The following NPFFR1 variants were observed in gnomAD, a reference collection of about 807,000 sequenced individuals.
NPFFR1 encodes G-protein coupled receptor 147.
NPFFR1 carries 17 observed loss-of-function variants against 12.7 expected under a neutral mutation model. The ratio of observed to expected loss-of-function variants is 1.34; its 90% CI spans 0.92 to 2.01. NPFFR1 has a LOEUF of 2.01. Among genes scored for constraint, NPFFR1 ranks in the 30% most tolerant of loss-of-function variants. The probability of loss-of-function intolerance (pLI) is 0.00; values close to 1 mark genes in which losing one functional copy is unlikely to be tolerated. For missense variants in NPFFR1, 604 were observed against 606.5 expected (o/e 1.00, Z 0.04); for synonymous variants, 296 against 264.5 (o/e 1.12, Z -1.16).
intron 1 of NPFFR1, among the ~76,000 whole-genome samples, chr10:70,279,871 A>G (rs1428506848): frequency 1.3e-5 from 2 of 151,736 alleles, no homozygotes; most frequent in Admixed American, 6.6e-5. Context: ...GAAATTTTGT[A>G]CTCTTTGACC....
intron 2 of NPFFR1, among the ~76,000 whole-genome samples, chr10:70,262,023 T>C (rs1840640560): frequency 6.6e-6 from 1 of 152,216 alleles, no homozygotes; most frequent in Non-Finnish European, 1.5e-5. Flanking sequence ...TATTTTCTCA[T>C]TGTACCAAAG....
chr10:70,266,233 G>A lies in NPFFR1; in HGVS notation c.166C>T (p.Leu56Phe). ...ACCAGGGTGTTGCCCACCATGCAGA[G>A]CAGGAAGATGAGCGCATAGGCCACA... The part of the protein sequence containing the change: ...FIVAYALIFL[L>F]CMVGNTLVCF... Residue 56 changes from leucine (L) to phenylalanine (F), a missense_variant, in exon 2 of 4, where the codon CTC becomes TTC. Leu to Phe is a conservative substitution (Grantham distance 22). Transcript: ENST00000277942. 1 of 1,614,042 alleles carries A rather than the reference G, an allele frequency of 6.2e-7. No homozygotes were observed. Among genetic ancestry groups the A allele is most frequent in the South Asian group, 1.1e-5 (1 of 91,086 alleles).
At chr10:70,272,009 C>A (rs1456149976) in intron 1 of NPFFR1, among the ~76,000 whole-genome samples, 2 of 151,536 alleles carry the variant, frequency 1.3e-5, no homozygotes, top group Non-Finnish European at 2.9e-5. Flanking sequence ...CCCAACTACT[C>A]AGGAGGCTGA....
chr10:70,268,781 C>A (rs1412831089), intron 1 of NPFFR1, among the ~76,000 whole-genome samples: 1 of 152,222 alleles, frequency 6.6e-6, no homozygotes, highest in African/African-American at 2.4e-5. Flanking sequence ...TCACGTCTGT[C>A]ACATTTTATT....
intron 1 of NPFFR1, among the ~76,000 whole-genome samples, chr10:70,274,632 A>G (rs1397167499): frequency 1.3e-5 from 2 of 152,168 alleles, no homozygotes; most frequent in Non-Finnish European, 2.9e-5. Context: ...TGGTATTCCA[A>G]AGAGAACTGG....
intron 3 of NPFFR1, among the ~76,000 whole-genome samples, chr10:70,256,886 C>T (rs551223060): frequency 6.6e-6 from 1 of 152,174 alleles, no homozygotes; most frequent in African/African-American, 2.4e-5. Context: ...AGACAAAACC[C>T]GTGCCTATTT....
Position 70,276,624 on chromosome 10 carries a change from G to C in NPFFR1, c.7+7046C>G, listed in dbSNP as rs888050865. Among the ~76,000 whole-genome samples the C allele has an allele frequency of 2.5e-5, 3 of 120,558 alleles. No homozygotes were observed. In the Admixed American group the frequency reaches 3.4e-4, roughly 14 times the overall value. 79.1% of individuals were successfully genotyped at this position (120,558 alleles called of 152,430 possible). ...TTTTTTGGAGATGAAGTCTCACTCT[G>C]TCACCCAAGCTGGAGTGCAGTGGCG... On this transcript the variant is annotated intron_variant, in intron 1 of 3. Coordinates refer to ENST00000277942, the MANE Select transcript of NPFFR1 (RefSeq NM_022146.5).
rs917092898 is a variant in NPFFR1 at position 70,254,917 on chromosome 10, T to G, written c.*40A>C. 7.2e-7 allele frequency: 1 copy of G among 1,388,562 alleles called. No individual in the cohort carries two copies. The highest frequency in any genetic ancestry group is 9.3e-7 in the Non-Finnish European group (1 of 1,077,410). The allele number at this position is 1,388,562 out of a possible 1,614,324, so 86.0% of individuals were successfully genotyped here. A position where few individuals can be genotyped will look rare whatever the true frequency, so the allele number is the denominator to read the frequency against. ...TCGCCTGCATGTATCTCGTGTCCAA[T>G]CGGGGCCCTGAGGCAGCGTCCCGCC... On this transcript the variant is annotated 3_prime_UTR_variant, in exon 4 of 4. Transcript: ENST00000277942.
rs768995577 is a variant in NPFFR1 at position 70,255,784 on chromosome 10, G to T, written c.466C>A (p.Arg156=). ...VHPFREKLTL[R]KALVTIAVIW... is the part of the protein sequence containing the mutation. The stretch of plus-strand genomic sequence containing the variant: ...ACGGCGATGGTGACGAGCGCCTTCC[G>T]CAGGGTCAGCTTCTCGCGGAAAGGG... The change falls in exon 4 of 4, where the codon CGG becomes AGG. Residue 156 remains arginine, a synonymous_variant. Coordinates refer to ENST00000277942, the MANE Select transcript of NPFFR1 (RefSeq NM_022146.5). The surrounding 1 kb of genome is among the most constrained non-coding windows in gnomAD (Gnocchi z 4.2). 3.1e-6 allele frequency: 5 copies of T among 1,611,106 alleles called. No homozygotes were observed. Among genetic ancestry groups the T allele is most frequent in the Admixed American group, 3.4e-5 (2 of 59,682 alleles).
At chr10:70,265,839 A>G (rs552426533) in intron 2 of NPFFR1, among the ~76,000 whole-genome samples, 1 of 152,368 alleles carries the variant, frequency 6.6e-6, no homozygotes, top group South Asian at 2.1e-4. Context: ...GGATGAATTA[A>G]GATAATGCAT....
At position 70,263,025 on chromosome 10, in the gene NPFFR1, T is replaced by C. The variant is rs970390813; in HGVS notation, c.323-2286A>G. Among the ~76,000 whole-genome samples, 7 of 152,166 alleles carry C rather than the reference T, an allele frequency of 4.6e-5. No individual in the cohort carries two copies. In the East Asian group the frequency reaches 1.4e-3, roughly 29 times the overall value. ...CAAAAATTAAAAATAAAATTAGCCA[T>C]ACATGGTGGCGCATTTCTGTAGTCC... On this transcript the variant is annotated intron_variant, in intron 2 of 3. Transcript: ENST00000277942.
At chr10:70,260,242 G>T (rs1840618122) in intron 3 of NPFFR1, among the ~76,000 whole-genome samples, 1 of 152,112 alleles carries the variant, frequency 6.6e-6, no homozygotes, top group Admixed American at 6.5e-5. Context: ...ATAAGGAGCA[G>T]GGAGAAACCC....
intron 1 of NPFFR1, among the ~76,000 whole-genome samples, chr10:70,279,812 T>C (rs964620136): frequency 5.3e-5 from 8 of 152,226 alleles, no homozygotes; most frequent in African/African-American, 1.9e-4. Flanking sequence ...CTATGCACCA[T>C]GCTGTGCAAT....
chr10:70,277,934 G>A (rs1840821782), intron 1 of NPFFR1: 1 of 519,286 alleles, frequency 1.9e-6, no homozygotes. Context: ...TAGATGTTGG[G>A]GAAGACTTCT....
rs1004080596 is a variant in NPFFR1, at chr10:70,255,371, G to T, written c.879C>A (p.Ile293=). The T allele has an allele frequency of 3.9e-6, 6 of 1,554,304 alleles. No homozygotes were observed. The East Asian group carries it at 1.4e-4, about 37-fold the overall frequency. Residue 293 remains isoleucine (I), a synonymous_variant, in exon 4 of 4, where the codon ATC becomes ATA. Transcript: ENST00000277942. This position sits in a 1 kb window ranked among gnomAD's most constrained non-coding sequence, Gnocchi z 4.2. ...GCGGCGCGCTGAGCTGCCCGTAGTC[G>T]ATGAGCAGCAGCAGCGCCCAGAGCG... ...WLPLWALLLL[I]DYGQLSAPQL...
At chr10:70,262,449 T>C (rs1287493483) in intron 2 of NPFFR1, among the ~76,000 whole-genome samples, 1 of 152,268 alleles carries the variant, frequency 6.6e-6, no homozygotes, top group Non-Finnish European at 1.5e-5. Flanking sequence ...GTACTGTCAT[T>C]ACTAAACTTG....
chr10:70,273,793 G>A (rs1457791733), intron 1 of NPFFR1, among the ~76,000 whole-genome samples: 1 of 152,216 alleles, frequency 6.6e-6, no homozygotes, highest in East Asian at 1.9e-4. Flanking sequence ...CCCAGTGTTG[G>A]TTAGGTTGGC....
At chr10:70,268,912 A>C (rs1840723870) in intron 1 of NPFFR1, among the ~76,000 whole-genome samples, 1 of 152,214 alleles carries the variant, frequency 6.6e-6, no homozygotes, top group Non-Finnish European at 1.5e-5. Context: ...AGTGTGATTC[A>C]TTAAGGTCCA....
intron 1 of NPFFR1, among the ~76,000 whole-genome samples, chr10:70,272,592 T>C (rs1840762211): frequency 2.0e-5 from 3 of 152,270 alleles, no homozygotes; most frequent in Admixed American, 6.5e-5. Context: ...ATTGTTGGGT[T>C]AACCTTTTCA....
Sources: allele counts gnomAD v4.1 joint callset (sites outside exome capture counted in the v4.1 genomes callset), GRCh38; gene constraint gnomAD v4.1.1; non-coding constraint Gnocchi (gnomAD v3.1); transcripts MANE v1.5; gene names NCBI Gene and HGNC (gene_info 2026-07-23, HGNC 2026-07-21).